The following METTL21A variants were observed in gnomAD, a reference collection of about 807,000 sequenced individuals.
METTL21A encodes protein N-lysine methyltransferase METTL21A.
A neutral mutation model predicts 20.9 loss-of-function variants in METTL21A; 22 were observed. The observed-to-expected ratio is 1.05, with a 90% confidence interval of 0.75 to 1.50. The LOEUF (loss-of-function observed/expected upper bound fraction) is 1.50. Ranked by LOEUF, METTL21A falls within the 40% of genes most tolerant of loss-of-function variation. The pLI, the probability that METTL21A is intolerant of heterozygous loss-of-function variation, is 0.00. For synonymous variants in METTL21A, 93 were observed against 102.0 expected, an observed-to-expected ratio of 0.91 and a Z score of 0.53; for missense variants, 271 against 266.8, an observed-to-expected ratio of 1.02 and a Z score of -0.11.
At chr2:207,613,821 A>G (rs2089312641) in intron 3 of METTL21A, among the ~76,000 whole-genome samples, 1 of 152,156 alleles carries the variant, frequency 6.6e-6, no homozygotes, top group African/African-American at 2.4e-5. Context: ...AAAATACAAA[A>G]TTAGCCAGGC....
intron 3 of METTL21A, chr2:207,598,279 T>TA (rs1278291606): frequency 5.5e-5 from 10 of 183,348 alleles, no homozygotes; most frequent in African/African-American, 2.3e-4. Context: ...TTGTCATTCT[T>TA]ACAAAACATT....
At chr2:207,587,661 G>C (rs1394895245) in intron 3 of METTL21A, among the ~76,000 whole-genome samples, 1 of 152,180 alleles carries the variant, frequency 6.6e-6, no homozygotes, top group Non-Finnish European at 1.5e-5. Flanking sequence ...GAACTTGGGG[G>C]ACATTATGGG....
At chr2:207,590,292 T>C (rs924427125) in intron 3 of METTL21A, among the ~76,000 whole-genome samples, 1 of 151,942 alleles carries the variant, frequency 6.6e-6, no homozygotes, top group African/African-American at 2.4e-5. Flanking sequence ...TCATTCCTAA[T>C]ATTGTTAATT....
chr2:207,616,447 T>G (rs2089754150), intron 3 of METTL21A, among the ~76,000 whole-genome samples: 1 of 152,210 alleles, frequency 6.6e-6, no homozygotes, highest in Non-Finnish European at 1.5e-5. Flanking sequence ...CCCCTGTAAT[T>G]CCACACATAT....
At chr2:207,586,950 G>C (rs2083952307) in intron 3 of METTL21A, among the ~76,000 whole-genome samples, 1 of 152,180 alleles carries the variant, frequency 6.6e-6, no homozygotes, top group South Asian at 2.1e-4. Flanking sequence ...TCATTAGTTA[G>C]AATGGCTATA....
intron 3 of METTL21A, chr2:207,601,925 C>T (rs1402074336): frequency 9.4e-6 from 2 of 211,864 alleles, no homozygotes; most frequent in Non-Finnish European, 1.9e-5. Context: ...GTTGGCTACA[C>T]AGTCACTGTA....
chr2:207,615,671 G>A (rs1465142377), intron 3 of METTL21A: 1 of 148,280 alleles, frequency 6.7e-6, no homozygotes, highest in African/African-American at 2.5e-5. Flanking sequence ...ACTCCAGCCT[G>A]GCAACAGAGT....
At chr2:207,585,682 T>G (rs1177242881) in intron 3 of METTL21A, among the ~76,000 whole-genome samples, 2 of 151,668 alleles carry the variant, frequency 1.3e-5, no homozygotes, top group East Asian at 3.9e-4. Flanking sequence ...TACAAATAAA[T>G]CAGGAAAACA....
chr2:207,613,472 G>A (rs1454881226), intron 3 of METTL21A, 29 bp from the exon 4 acceptor site: 2 of 1,539,018 alleles, frequency 1.3e-6, no homozygotes, highest in South Asian at 2.6e-5. Flanking sequence ...AAAAAGTGAT[G>A]TGTACATCAG....
At chr2:207,587,274 T>C (rs1369514513) in intron 3 of METTL21A, among the ~76,000 whole-genome samples, 1 of 151,622 alleles carries the variant, frequency 6.6e-6, no homozygotes, top group Non-Finnish European at 1.5e-5. Flanking sequence ...GTGCCTGTAG[T>C]CCCAGCTACT....
chr2:207,602,414 G>A (rs1211887308), intron 3 of METTL21A: 1 of 201,740 alleles, frequency 5.0e-6, no homozygotes, highest in Non-Finnish European at 1.0e-5. Context: ...GCAAGTAAAA[G>A]GAAAATGAAC....
At chr2:207,606,463 C>G (rs928271593), downstream of METTL21A, among the ~76,000 whole-genome samples, 2 of 152,172 alleles carry the variant, frequency 1.3e-5, no homozygotes, top group African/African-American at 4.8e-5. Context: ...GCCTGGGCGA[C>G]AGAGCAAGGC....
chr2:207,623,438 G>A (rs2090737217), intron 2 of METTL21A, among the ~76,000 whole-genome samples: 1 of 152,176 alleles, frequency 6.6e-6, no homozygotes, highest in Admixed American at 6.5e-5. Context: ...GAACAGGGCA[G>A]GGAGAGGAAG....
chr2:207,603,579 G>A (rs917892758), intron 3 of METTL21A: 11 of 224,150 alleles, frequency 4.9e-5, no homozygotes, highest in Non-Finnish European at 8.9e-6. Flanking sequence ...ACAACAACAT[G>A]TCTTCAGTTA....
chr2:207,592,944 C>G (rs985002738), intron 3 of METTL21A, among the ~76,000 whole-genome samples: 3 of 61,762 alleles, frequency 4.9e-5, no homozygotes, highest in African/African-American at 1.2e-4. Context: ...GATATACTTT[C>G]TTCAAATATT....
chr2:207,597,192 G>C, intron 3 of METTL21A: 1 of 924,536 alleles, frequency 1.1e-6, no homozygotes, highest in Non-Finnish European at 1.5e-6. Context: ...AGCAACTACA[G>C]AATTTCATTC....
intron 3 of METTL21A, chr2:207,599,642 A>G (rs923040219): frequency 6.0e-5 from 12 of 200,358 alleles, no homozygotes; most frequent in Non-Finnish European, 1.1e-4. Context: ...CCTTGGTGAA[A>G]CTTGAAGATT....
intron 3 of METTL21A, among the ~76,000 whole-genome samples, chr2:207,587,195 C>T (rs764298558): frequency 1.8e-4 from 27 of 152,184 alleles, no homozygotes; most frequent in Middle Eastern, 3.4e-3. Flanking sequence ...AGATCGAGAC[C>T]ATCCTGGCTA....
chr2:207,613,755 G>C lies in METTL21A; in HGVS notation c.260-312C>G, dbSNP rs1230575387. ...TCCCAGCACTTTGGGAGGCCAAAGC[G>C]GGTGGATCACCTGAGGTCAGGAGTT... On this transcript the variant is annotated intron_variant, in intron 3 of 3. Coordinates refer to ENST00000406927, the Ensembl canonical transcript of METTL21A. 3.9e-5 allele frequency among the ~76,000 whole-genome samples: 6 copies of C among 152,332 alleles called. No homozygotes were observed. The South Asian group carries it at 1.2e-3, about 32-fold the overall frequency.
Sources: gnomAD v4.1 joint callset for allele counts (sites outside exome capture counted in the v4.1 genomes callset) on GRCh38, gnomAD v4.1.1 for gene constraint, MANE v1.5 for transcripts, NCBI Gene and HGNC (gene_info 2026-07-23, HGNC 2026-07-21) for gene names.